Variants in SSH2 observed in about 807,000 individuals in gnomAD.
SSH2 encodes slingshot protein phosphatase 2.
Under a neutral mutation model 135.2 loss-of-function variants are expected in SSH2, and 37 were observed. The observed-to-expected ratio is 0.27, with a 90% confidence interval of 0.21 to 0.36. The LOEUF is 0.36. Ranked by LOEUF, SSH2 falls within the 10% of genes least tolerant of loss-of-function variation. The probability of loss-of-function intolerance (pLI) is 1.00; values close to 1 mark genes in which losing one functional copy is unlikely to be tolerated. For synonymous variants in SSH2, 628 were observed against 646.2 expected (o/e 0.97, Z 0.43); for missense variants, 1,408 against 1,765.3 (o/e 0.80, Z 3.63).
At chr17:29,757,269 G>C (rs531830094) in intron 3 of SSH2, among the ~76,000 whole-genome samples, 54 of 152,204 alleles carry the variant, frequency 3.5e-4, no homozygotes, top group Non-Finnish European at 6.5e-4. Context: ...AATCTTTTTT[G>C]AGATCACAGA....
At chr17:29,797,429 G>T (rs2151308975) in intron 2 of SSH2, among the ~76,000 whole-genome samples, 1 of 152,140 alleles carries the variant, frequency 6.6e-6, no homozygotes, top group Admixed American at 6.5e-5. Flanking sequence ...TTTATGGGAA[G>T]ATTTTTGAAA....
intron 11 of SSH2, 22 bp from the exon 12 acceptor site, chr17:29,655,629 G>C: frequency 6.2e-7 from 1 of 1,611,514 alleles, no homozygotes; most frequent in Non-Finnish European, 8.5e-7. Flanking sequence ...AAAAGACAAG[G>C]TTAAGGAGTA....
chr17:29,882,280 T>G (rs2066151856), intron 1 of SSH2, among the ~76,000 whole-genome samples: 1 of 152,228 alleles, frequency 6.6e-6, no homozygotes, highest in Non-Finnish European at 1.5e-5. Context: ...AAATCCCTTT[T>G]GATGTGCATA....
intron 5 of SSH2, among the ~76,000 whole-genome samples, chr17:29,688,272 G>T (rs1463896917): frequency 2.0e-5 from 3 of 151,948 alleles, no homozygotes. Context: ...GCCTCCCAAA[G>T]TGCTGGGATT....
intron 3 of SSH2, among the ~76,000 whole-genome samples, chr17:29,725,347 C>CAAAAAAA (rs11449000): frequency 0.034 from 1,762 of 52,508 alleles, 191 homozygotes; most frequent in Non-Finnish European, 0.039. Context: ...AATCAGTCTC[C>CAAAAAAA]AAAAAAAAAA....
At chr17:29,718,674 A>G (rs1365935593) in intron 3 of SSH2, among the ~76,000 whole-genome samples, 1 of 139,652 alleles carries the variant, frequency 7.2e-6, no homozygotes, top group Non-Finnish European at 1.5e-5. Context: ...CGGAGCTTGC[A>G]GTAAGCCAAG....
chr17:29,773,042 CA>C, intron 3 of SSH2, among the ~76,000 whole-genome samples: 1 of 151,506 alleles, frequency 6.6e-6, no homozygotes, highest in Non-Finnish European at 1.5e-5. Context: ...TCCATCCATC[CA>C]TCCATCCATC....
At chr17:29,745,152 C>A in intron 3 of SSH2, among the ~76,000 whole-genome samples, 1 of 151,588 alleles carries the variant, frequency 6.6e-6, no homozygotes, top group Non-Finnish European at 1.5e-5. Context: ...AAGTAATTTT[C>A]TTTTCGTTTT....
At chr17:29,670,732 C>T (rs2037459778) in intron 9 of SSH2, among the ~76,000 whole-genome samples, 1 of 152,156 alleles carries the variant, frequency 6.6e-6, no homozygotes, top group Admixed American at 6.5e-5. Context: ...CAAGATCATG[C>T]CACGGCATTC....
At chr17:29,732,830 A>G (rs2040243052) in intron 3 of SSH2, among the ~76,000 whole-genome samples, 1 of 152,218 alleles carries the variant, frequency 6.6e-6, no homozygotes. Context: ...TCCGGAATAG[A>G]TAAATGTATA....
chr17:29,690,504 A>AC (rs1234634986), intron 5 of SSH2, among the ~76,000 whole-genome samples: 1 of 151,836 alleles, frequency 6.6e-6, no homozygotes, highest in African/African-American at 2.4e-5. Context: ...GAAATTAATT[A>AC]CCCCCAGTAA....
chr17:29,801,842 C>G (rs1461336970), intron 2 of SSH2, among the ~76,000 whole-genome samples: 1 of 152,186 alleles, frequency 6.6e-6, no homozygotes, highest in Admixed American at 6.5e-5. Flanking sequence ...AGCTAACTAG[C>G]TATACATTTT....
intron 2 of SSH2, among the ~76,000 whole-genome samples, chr17:29,830,853 C>T (rs2042832455): frequency 6.6e-6 from 1 of 152,032 alleles, no homozygotes; most frequent in Non-Finnish European, 1.5e-5. Context: ...TTAATTAGTT[C>T]AAGATAGAGA....
chr17:29,647,491 A>G (rs902916014), intron 14 of SSH2, among the ~76,000 whole-genome samples: 19 of 151,852 alleles, frequency 1.3e-4, no homozygotes, highest in African/African-American at 4.1e-4. Flanking sequence ...ACCTAGTCTT[A>G]TAAGATGTTG....
chr17:29,701,404 CTTTTT>C (rs55721735), intron 4 of SSH2, among the ~76,000 whole-genome samples: 2 of 90,338 alleles, frequency 2.2e-5, no homozygotes, highest in African/African-American at 9.6e-5. Flanking sequence ...GTGCCTGGCT[CTTTTT>C]TTTTTTTTTT....
intron 1 of SSH2, among the ~76,000 whole-genome samples, chr17:29,907,193 G>A (rs1490418592): frequency 6.6e-6 from 1 of 152,200 alleles, no homozygotes; most frequent in Non-Finnish European, 1.5e-5. Flanking sequence ...AAAAAGGAAT[G>A]AGATCATATC....
At chr17:29,635,594 G>A (rs1214118143) in intron 15 of SSH2, among the ~76,000 whole-genome samples, 3 of 151,852 alleles carry the variant, frequency 2.0e-5, no homozygotes, top group African/African-American at 7.3e-5. Context: ...TTTTTTAGTA[G>A]AGACGGGGTT....
intron 15 of SSH2, among the ~76,000 whole-genome samples, chr17:29,633,432 T>C (rs1474082132): frequency 1.3e-5 from 2 of 152,206 alleles, no homozygotes; most frequent in Admixed American, 1.3e-4. Flanking sequence ...GACGAGGCTA[T>C]CACCTGATGT....
At chr17:29,743,198 G>T (rs914576309) in intron 3 of SSH2, among the ~76,000 whole-genome samples, 10 of 152,176 alleles carry the variant, frequency 6.6e-5, no homozygotes, top group African/African-American at 2.2e-4. Context: ...TTACAGGCGT[G>T]ACCACCATGC....
Sources: allele counts gnomAD v4.1 joint callset (sites outside exome capture counted in the v4.1 genomes callset), GRCh38; gene constraint gnomAD v4.1.1; transcripts MANE v1.5; gene names NCBI Gene and HGNC (gene_info 2026-07-23, HGNC 2026-07-21).